The following FHDC1 variants were observed in gnomAD, a reference collection of about 807,000 sequenced individuals.
FHDC1 encodes FH2 domain-containing protein 1.
In FHDC1, 25 loss-of-function variants were observed where a neutral mutation model predicts 52.6. The ratio of observed to expected loss-of-function variants is 0.48; its 90% CI spans 0.35 to 0.66. The LOEUF (loss-of-function observed/expected upper bound fraction) is 0.66. FHDC1 is among the 30% of genes least tolerant of loss of function. The pLI, the probability that FHDC1 is intolerant of heterozygous loss-of-function variation, is 0.01. For missense variants in FHDC1, 1,459 were observed against 1,452.8 expected (o/e 1.00, Z -0.07); for synonymous variants, 616 against 581.5 (o/e 1.06, Z -0.85).
intron 6 of FHDC1, among the ~76,000 whole-genome samples, chr4:152,962,250 T>A (rs1194375331): frequency 6.6e-6 from 1 of 152,220 alleles, no homozygotes; most frequent in African/African-American, 2.4e-5. Context: ...AAATGAAATG[T>A]GTGGCTTTGA....
chr4:152,914,069 T>C, the FHDC1 span, among the ~76,000 whole-genome samples: 2 of 152,196 alleles, frequency 1.3e-5, no homozygotes, highest in African/African-American at 4.8e-5. Context: ...TAGCTAAGAC[T>C]ATCCAGTTGT....
intron 11 of FHDC1, among the ~76,000 whole-genome samples, chr4:152,973,282 C>G (rs150843658): frequency 1.2e-4 from 19 of 152,236 alleles, no homozygotes; most frequent in Middle Eastern, 3.2e-3. Flanking sequence ...CATCTCTCCC[C>G]CTCCAGTTGG....
At chr4:152,939,943 T>A (rs1579079249) in intron 1 of FHDC1, among the ~76,000 whole-genome samples, 1 of 152,310 alleles carries the variant, frequency 6.6e-6, no homozygotes, top group South Asian at 2.1e-4. Flanking sequence ...CTACTGGCAG[T>A]TGTCAGCTGT....
chr4:152,926,914 G>C, the FHDC1 span, among the ~76,000 whole-genome samples: 1 of 152,158 alleles, frequency 6.6e-6, no homozygotes, highest in Non-Finnish European at 1.5e-5. Flanking sequence ...GTACTCTAAT[G>C]GTAAGAATTT....
At chr4:152,935,595 G>A (rs1739340034), upstream of FHDC1, among the ~76,000 whole-genome samples, 1 of 152,062 alleles carries the variant, frequency 6.6e-6, no homozygotes, top group Non-Finnish European at 1.5e-5. Flanking sequence ...CAACCTAAAG[G>A]TTTCTGTTAC....
chr4:152,921,719 G>C, the FHDC1 span, among the ~76,000 whole-genome samples: 3 of 151,282 alleles, frequency 2.0e-5, no homozygotes, highest in Non-Finnish European at 2.9e-5. Flanking sequence ...CACAAGCAAA[G>C]ATAATTTTCC....
chr4:152,936,006 A>C (rs866057841), upstream of FHDC1, among the ~76,000 whole-genome samples: 103 of 151,472 alleles, frequency 6.8e-4, 1 homozygote, highest in Middle Eastern at 0.01. Flanking sequence ...TCTTCTGGGC[A>C]GCCCAGCTAT....
intron 4 of FHDC1, among the ~76,000 whole-genome samples, chr4:152,958,353 C>CT (rs1168407424): frequency 6.6e-6 from 1 of 152,126 alleles, no homozygotes; most frequent in East Asian, 1.9e-4. Context: ...GTCTGTTCAC[C>CT]TTTCTTTTTT....
intron 10 of FHDC1, among the ~76,000 whole-genome samples, chr4:152,970,721 G>A (rs953158930): frequency 8.5e-5 from 13 of 152,332 alleles, no homozygotes; most frequent in African/African-American, 2.6e-4. Context: ...ACTGACTCAG[G>A]TGGTTACTTT....
the FHDC1 span, among the ~76,000 whole-genome samples, chr4:152,914,092 T>G: frequency 6.6e-6 from 1 of 152,234 alleles, no homozygotes; most frequent in African/African-American, 2.4e-5. Context: ...GTAGGCTATT[T>G]TCTGATCAGA....
At chr4:152,974,639 G>A in intron 11 of FHDC1, 36 bp from the exon 12 acceptor site, 2 of 1,501,788 alleles carry the variant, frequency 1.3e-6, no homozygotes, top group South Asian at 1.4e-5. Flanking sequence ...GGTCCCACAT[G>A]TCTCATGCAT....
chr4:152,939,243 AC>A (rs1373702043), intron 1 of FHDC1, among the ~76,000 whole-genome samples: 1 of 151,836 alleles, frequency 6.6e-6, no homozygotes, highest in East Asian at 1.9e-4. Flanking sequence ...ACGCCCAGCT[AC>A]TGTGTGTGTG....
chr4:152,961,727 C>T (rs2149952398), intron 6 of FHDC1, among the ~76,000 whole-genome samples: 1 of 152,282 alleles, frequency 6.6e-6, no homozygotes, highest in South Asian at 2.1e-4. Context: ...TTGCTCTGGC[C>T]TGTTTTGAGA....
At chr4:152,935,730 G>T (rs1036449465), upstream of FHDC1, among the ~76,000 whole-genome samples, 6 of 152,206 alleles carry the variant, frequency 3.9e-5, no homozygotes, top group Non-Finnish European at 8.8e-5. Context: ...AGCTGTAGGG[G>T]TTGGGACAGG....
In FHDC1 at chr4:152,976,082, C is replaced by A. The variant is rs774567068; in HGVS notation, c.2791C>A (p.Pro931Thr). Residue 931 changes from proline to threonine, a missense_variant, in exon 12 of 12, where the codon CCC becomes ACC. Physicochemically the swap from Pro to Thr is conservative, Grantham distance 38. Transcript: ENST00000511601. ...ELSSRGPSQN[P>T]PSSTDTVWSR... ...GTCATCCCGGGGGCCCTCCCAGAAT[C>A]CCCCCAGCAGCACAGATACTGTGTG... 61 of 1,604,154 alleles carry A rather than the reference C, an allele frequency of 3.8e-5. No homozygotes were observed. The highest frequency in any genetic ancestry group is 4.9e-5 in the Non-Finnish European group (58 of 1,175,830).
chr4:152,967,432 A>C (rs1740498684), intron 9 of FHDC1, among the ~76,000 whole-genome samples: 1 of 152,186 alleles, frequency 6.6e-6, no homozygotes, highest in South Asian at 2.1e-4. Flanking sequence ...GTCTCAAAAA[A>C]AAAAAAGTTG....
intron 2 of FHDC1, among the ~76,000 whole-genome samples, chr4:152,951,985 A>G (rs1401547454): frequency 1.3e-5 from 2 of 152,248 alleles, no homozygotes; most frequent in African/African-American, 2.4e-5. Flanking sequence ...AAAAGATGCC[A>G]TGTATTGTAA....
At chr4:152,939,302 G>C (rs1579078783) in intron 1 of FHDC1, among the ~76,000 whole-genome samples, 1 of 152,128 alleles carries the variant, frequency 6.6e-6, no homozygotes, top group South Asian at 2.1e-4. Context: ...GTGTGTTTAT[G>C]TGTGTGTGTA....
chr4:152,977,183 G>C lies in FHDC1; in HGVS notation c.*460G>C, dbSNP rs968364029. 6.6e-6 allele frequency: 1 copy of C among 152,584 alleles called. No homozygotes were observed. Among genetic ancestry groups the C allele is most frequent in the Non-Finnish European group, 1.5e-5 (1 of 68,394 alleles). The allele number at this position is 152,584 out of a possible 1,614,324, so 9.5% of individuals were successfully genotyped here. ...AAGATGAGTGGATTGCTTGAGCCTA[G>C]GAGTTCGAGACCAGCCTAGGCAACA... On this transcript the variant is annotated 3_prime_UTR_variant, in exon 12 of 12. Coordinates refer to ENST00000511601, the MANE Select transcript of FHDC1 (RefSeq NM_001371116.1).
Sources: gnomAD v4.1 joint callset for allele counts (sites outside exome capture counted in the v4.1 genomes callset) on GRCh38, gnomAD v4.1.1 for gene constraint, MANE v1.5 for transcripts, NCBI Gene and HGNC (gene_info 2026-07-23, HGNC 2026-07-21) for gene names.